PTPRG: variants seen among roughly 807,000 people sequenced by gnomAD.
The protein encoded by PTPRG is protein tyrosine phosphatase receptor type G.
Under a neutral mutation model 165.3 loss-of-function variants are expected in PTPRG, and 102 were observed. That is an observed-to-expected ratio of 0.62 (90% confidence interval 0.53 to 0.73). PTPRG has a LOEUF of 0.73. Ranked by LOEUF, PTPRG falls within the 30% of genes least tolerant of loss-of-function variation. The pLI, the probability that PTPRG is intolerant of heterozygous loss-of-function variation, is 0.00. For synonymous variants in PTPRG, 675 were observed against 669.5 expected (o/e 1.01, Z -0.13); for missense variants, 1,866 against 1,861.4 (o/e 1.00, Z -0.05).
At chr3:61,861,029 A>C (rs1452710300) in intron 2 of PTPRG, among the ~76,000 whole-genome samples, 2 of 152,152 alleles carry the variant, frequency 1.3e-5, no homozygotes, top group Non-Finnish European at 2.9e-5. Context: ...TGTCATTTCA[A>C]GATGTTGTAT....
chr3:62,061,878 C>T (rs1218066471), intron 4 of PTPRG, among the ~76,000 whole-genome samples: 1 of 151,772 alleles, frequency 6.6e-6, no homozygotes, highest in African/African-American at 2.4e-5. Flanking sequence ...GATCTGCCTA[C>T]TTCGGCCTCC....
chr3:62,067,998 A>G (rs1701076837), intron 4 of PTPRG, among the ~76,000 whole-genome samples: 1 of 152,160 alleles, frequency 6.6e-6, no homozygotes. Flanking sequence ...TGCTAATGGA[A>G]TTCTGGTGAG....
intron 2 of PTPRG, among the ~76,000 whole-genome samples, chr3:61,931,595 T>C (rs2039362614): frequency 2.0e-5 from 3 of 152,310 alleles, no homozygotes; most frequent in Admixed American, 2.0e-4. Context: ...CCGTGTCCTC[T>C]TAGAGCTGCC....
chr3:62,284,881 G>A (rs9813294), intron 28 of PTPRG, among the ~76,000 whole-genome samples: 74,782 of 151,788 alleles, frequency 0.49, 19,100 homozygotes, highest in African/African-American at 0.6. Flanking sequence ...ATTTCCAGTT[G>A]TCATCCCAAT....
rs965357336 is a variant in PTPRG at position 61,980,382 on chromosome 3, T to G, written c.191-9243T>G. Among the ~76,000 whole-genome samples, 258 of 152,140 alleles carry G rather than the reference T, an allele frequency of 1.7e-3. 1 individual carries two copies. The highest frequency in any genetic ancestry group is 3.4e-4 in the Non-Finnish European group (23 of 68,028). On this transcript the variant is annotated intron_variant, in intron 2 of 29. Transcript: ENST00000474889. The stretch of plus-strand genomic sequence containing the variant: ...TGACTGCTGTGTTAACAGTAAAAAT[T>G]TACAGCAATGGACTTCAGAGCTTGT...
intron 1 of PTPRG, among the ~76,000 whole-genome samples, chr3:61,675,655 T>TA (rs1359268742): frequency 6.6e-6 from 1 of 152,230 alleles, no homozygotes; most frequent in Non-Finnish European, 1.5e-5. Flanking sequence ...TCATAATTGA[T>TA]ATGGTATTTG....
At chr3:61,858,327 G>A (rs955679059) in intron 2 of PTPRG, among the ~76,000 whole-genome samples, 6 of 152,066 alleles carry the variant, frequency 3.9e-5, no homozygotes, top group Admixed American at 2.0e-4. Flanking sequence ...TATTTCAATC[G>A]TTTTTTATTA....
Position 62,147,399 on chromosome 3 carries a change from TACTAG to T in PTPRG, c.683-9664_683-9660del, listed in dbSNP as rs1201989977. ...AACAACAAGCTCTAGACCTGGCTTC[TACTAG>T]ACTCAGAAAGTTGACGGGGCCCTTT... On this transcript the variant is annotated intron_variant, in intron 6 of 29. Transcript: ENST00000474889. 2.0e-5 allele frequency among the ~76,000 whole-genome samples: 3 copies of T among 152,344 alleles called. No homozygotes were observed. The East Asian group carries it at 5.8e-4, about 29-fold the overall frequency.
intron 2 of PTPRG, among the ~76,000 whole-genome samples, chr3:61,846,475 C>A (rs188031530): frequency 2.6e-5 from 4 of 152,280 alleles, no homozygotes; most frequent in Non-Finnish European, 5.9e-5. Flanking sequence ...CTCTGAGGCT[C>A]ATTGACCTTG....
At chr3:61,750,918 G>T (rs1337838380) in intron 2 of PTPRG, 1 of 152,152 alleles carries the variant, frequency 6.6e-6, no homozygotes, top group African/African-American at 2.4e-5. Context: ...TGTTCCAGTT[G>T]ATTTTTTTCC....
At chr3:61,689,609 C>T (rs1157890739) in intron 1 of PTPRG, among the ~76,000 whole-genome samples, 1 of 152,226 alleles carries the variant, frequency 6.6e-6, no homozygotes, top group Non-Finnish European at 1.5e-5. Flanking sequence ...AATTGAGGCA[C>T]TGAAGCTGAA....
At chr3:61,673,893 C>T (rs1315874549) in intron 1 of PTPRG, among the ~76,000 whole-genome samples, 1 of 152,084 alleles carries the variant, frequency 6.6e-6, no homozygotes, top group African/African-American at 2.4e-5. Context: ...TTTTCAGGAA[C>T]ATGGATGAAG....
intron 2 of PTPRG, among the ~76,000 whole-genome samples, chr3:61,817,146 C>CAT (rs1181846860): frequency 3.4e-5 from 4 of 119,028 alleles, no homozygotes; most frequent in Non-Finnish European, 6.6e-5. Flanking sequence ...ACATATATTA[C>CAT]ATATATATAA....
intron 2 of PTPRG, among the ~76,000 whole-genome samples, chr3:61,842,103 C>T (rs1043684200): frequency 6.6e-6 from 1 of 152,090 alleles, no homozygotes; most frequent in African/African-American, 2.4e-5. Context: ...TTATAAGAAC[C>T]AATGCAGCAC....
chr3:62,035,285 C>T (rs190366875), intron 4 of PTPRG, among the ~76,000 whole-genome samples: 2 of 152,250 alleles, frequency 1.3e-5, no homozygotes, highest in East Asian at 3.9e-4. Flanking sequence ...TCAGCATCAC[C>T]TGGAAATGGG....
At chr3:61,738,991 G>GTTTTT (rs1202711922) in intron 1 of PTPRG, 1 of 28,292 alleles carries the variant, frequency 3.5e-5, no homozygotes, top group African/African-American at 1.6e-4. Context: ...TTTTTTTTTT[G>GTTTTT]TTTTTTTTTT....
At chr3:62,280,553 T>C (rs1423958815) in intron 26 of PTPRG, among the ~76,000 whole-genome samples, 1 of 151,928 alleles carries the variant, frequency 6.6e-6, no homozygotes, top group Non-Finnish European at 1.5e-5. Context: ...TTAAAAACAA[T>C]CAAAAGATAC....
At chr3:62,099,566 T>A (rs1702218832) in intron 5 of PTPRG, among the ~76,000 whole-genome samples, 1 of 151,752 alleles carries the variant, frequency 6.6e-6, no homozygotes, top group Non-Finnish European at 1.5e-5. Flanking sequence ...CACAGAAAGG[T>A]GGATGGAAAA....
chr3:61,718,796 C>A (rs1481300649), intron 1 of PTPRG, among the ~76,000 whole-genome samples: 2 of 152,136 alleles, frequency 1.3e-5, no homozygotes, highest in Non-Finnish European at 2.9e-5. Flanking sequence ...TGGCCTGGTG[C>A]CCTGCCCTCA....
Sources: allele counts gnomAD v4.1 joint callset (sites outside exome capture counted in the v4.1 genomes callset), GRCh38; gene constraint gnomAD v4.1.1; transcripts MANE v1.5; gene names NCBI Gene and HGNC (gene_info 2026-07-23, HGNC 2026-07-21).